ARHGAP20: variants seen among roughly 807,000 people sequenced by gnomAD.
ARHGAP20 encodes the protein Rho GTPase activating protein 20, also known as rho GTPase-activating protein 20.
A neutral mutation model predicts 73.7 loss-of-function variants in ARHGAP20; 34 were observed. The observed-to-expected ratio is 0.46, with a 90% CI of 0.35 to 0.61. The LOEUF (loss-of-function observed/expected upper bound fraction) is 0.61. Among genes scored for constraint, ARHGAP20 ranks in the 20% least tolerant of loss-of-function variants. The pLI is 0.00. For missense variants in ARHGAP20, 1,314 were observed against 1,420.9 expected (o/e 0.92, Z 1.21); for synonymous variants, 523 against 518.2 (o/e 1.01, Z -0.13).
intron 1 of ARHGAP20, chr11:110,711,777 G>C: frequency 7.4e-7 from 1 of 1,354,464 alleles, no homozygotes; most frequent in East Asian, 3.1e-5. Flanking sequence ...GGGGCACGGC[G>C]AGGGGTCGGG....
At chr11:110,627,198 C>T (rs889314241) in intron 3 of ARHGAP20, among the ~76,000 whole-genome samples, 3 of 152,236 alleles carry the variant, frequency 2.0e-5, no homozygotes, top group East Asian at 3.9e-4. Flanking sequence ...AAGTGATTCT[C>T]GTGCCTCAGC....
At chr11:110,607,018 G>A (rs1032837387) in intron 8 of ARHGAP20, among the ~76,000 whole-genome samples, 27 of 152,060 alleles carry the variant, frequency 1.8e-4, no homozygotes, top group Non-Finnish European at 3.1e-4. Flanking sequence ...ATCAGTTTGC[G>A]AGTTCCATAA....
chr11:110,689,264 CAT>C (rs1416755454), intron 2 of ARHGAP20, among the ~76,000 whole-genome samples: 1 of 151,774 alleles, frequency 6.6e-6, no homozygotes, highest in African/African-American at 2.4e-5. Flanking sequence ...GACTCCCAAT[CAT>C]ATAGATTTTA....
At position 110,579,070 on chromosome 11, in the gene ARHGAP20, G is replaced by T. The variant is rs530804309; in HGVS notation, c.*300C>A. ...AATCTCACAGACTGTTCCCATAAGT[G>T]CTTCCTCTGCAGAAGATGCTTTCTC... On this transcript the variant is annotated 3_prime_UTR_variant, in exon 15 of 15. Coordinates refer to ENST00000683387, the MANE Select transcript of ARHGAP20 (RefSeq NM_001384657.1). 492 of 1,030,382 alleles carry T rather than the reference G, an allele frequency of 4.8e-4. 1 individual carries two copies. Among genetic ancestry groups the T allele is most frequent in the Non-Finnish European group, 5.4e-4 (466 of 856,434 alleles). 63.8% of individuals were successfully genotyped at this position (1,030,382 alleles called of 1,614,324 possible). A position where few individuals can be genotyped will look rare whatever the true frequency, so the allele number is the denominator to read the frequency against.
chr11:110,638,560 G>A (rs2134977609), intron 2 of ARHGAP20, among the ~76,000 whole-genome samples: 1 of 151,806 alleles, frequency 6.6e-6, no homozygotes, highest in African/African-American at 2.4e-5. Flanking sequence ...AAAAGAGATT[G>A]TTAAAATTAA....
At chr11:110,586,463 C>T in intron 11 of ARHGAP20, 138 bp from the exon 12 acceptor site, 1 of 419,548 alleles carries the variant, frequency 2.4e-6, no homozygotes, top group Middle Eastern at 6.5e-4. Flanking sequence ...TGCGCCAACT[C>T]TCCATTGACT....
At chr11:110,618,001 A>C (rs932542200) in intron 4 of ARHGAP20, among the ~76,000 whole-genome samples, 2 of 152,172 alleles carry the variant, frequency 1.3e-5, no homozygotes, top group Non-Finnish European at 2.9e-5. Flanking sequence ...AAGGAAACAG[A>C]AAGAACCCAG....
chr11:110,682,687 C>T (rs1950059327), intron 2 of ARHGAP20, among the ~76,000 whole-genome samples: 1 of 151,878 alleles, frequency 6.6e-6, no homozygotes, highest in Admixed American at 6.6e-5. Flanking sequence ...AATAGATGAG[C>T]CAGAAGGCTT....
At chr11:110,705,502 A>T (rs1448618211) in intron 1 of ARHGAP20, among the ~76,000 whole-genome samples, 4 of 152,206 alleles carry the variant, frequency 2.6e-5, no homozygotes, top group Non-Finnish European at 5.9e-5. Flanking sequence ...AGGGGACTTA[A>T]TCTTCAAAAT....
At chr11:110,711,597 C>T in intron 1 of ARHGAP20, 1 of 1,483,996 alleles carries the variant, frequency 6.7e-7, no homozygotes, top group Non-Finnish European at 8.9e-7. Flanking sequence ...TATGGAGCAG[C>T]CGCGCCTCGG....
chr11:110,621,919 A>T (rs1001024496), intron 4 of ARHGAP20, among the ~76,000 whole-genome samples: 1 of 152,238 alleles, frequency 6.6e-6, no homozygotes, highest in African/African-American at 2.4e-5. Context: ...ATGAAGCTAC[A>T]AACTCTATTT....
At chr11:110,623,852 CTGT>C (rs150741915) in intron 4 of ARHGAP20, among the ~76,000 whole-genome samples, 9 of 152,062 alleles carry the variant, frequency 5.9e-5, no homozygotes, top group African/African-American at 1.7e-4. Context: ...CCTGTTGTTG[CTGT>C]TGTTGTTGTT....
Position 110,580,811 on chromosome 11 carries a change from T to A in ARHGAP20, c.2135A>T (p.Asp712Val). 1 of 1,614,130 alleles carries A rather than the reference T, an allele frequency of 6.2e-7. No individual in the cohort carries two copies. The highest frequency in any genetic ancestry group is 8.5e-7 in the Non-Finnish European group (1 of 1,180,000). The change falls in exon 15 of 15, where the codon GAT (aspartate) becomes GTT (valine). Residue 712 changes from aspartate (D) to valine (V), a missense_variant. Physicochemically the swap from Asp to Val is radical, Grantham distance 152. This residue lies in a region of ARHGAP20 where 641 missense variants were observed against 636.9 expected (regional missense o/e 1.01). Coordinates refer to ENST00000683387, the MANE Select transcript of ARHGAP20 (RefSeq NM_001384657.1). ...RCSEPSIDYL[D>V]SKLSYLREFY... The stretch of plus-strand genomic sequence containing the variant: ...CTCCCTGAGGTAGGAAAGCTTTGAA[T>A]CCAGATAGTCGATGCTGGGCTCTGA...
intron 2 of ARHGAP20, among the ~76,000 whole-genome samples, chr11:110,685,799 G>A (rs1950121741): frequency 6.6e-6 from 1 of 152,140 alleles, no homozygotes; most frequent in South Asian, 2.1e-4. Flanking sequence ...AAATATAGAT[G>A]TAATTCAAAA....
intron 1 of ARHGAP20, among the ~76,000 whole-genome samples, chr11:110,705,465 A>G (rs45580540): frequency 0.13 from 20,335 of 152,222 alleles, 1,628 homozygotes; most frequent in South Asian, 0.29. Context: ...CTTTCAGTCT[A>G]TGAATTCCAA....
At chr11:110,638,601 G>A (rs778925679) in intron 2 of ARHGAP20, among the ~76,000 whole-genome samples, 2 of 151,888 alleles carry the variant, frequency 1.3e-5, no homozygotes, top group Admixed American at 1.3e-4. Flanking sequence ...GGGGTGGGGT[G>A]AGCTGGAGAT....
rs1024734472 is a variant in ARHGAP20 at position 110,577,686 on chromosome 11, G to A, written c.*1684C>T. On this transcript the variant is annotated 3_prime_UTR_variant, in exon 15 of 15. Coordinates refer to ENST00000683387, the MANE Select transcript of ARHGAP20 (RefSeq NM_001384657.1). ...ATAAAGTGAAATCGACTTCACATCT[G>A]TGACTCAGATGGCCAGTGTCACGAA... is the stretch of plus-strand genomic sequence containing the variant. 1 of 985,876 alleles carries A rather than the reference G, an allele frequency of 1.0e-6. No homozygotes were observed. Among genetic ancestry groups the A allele is most frequent in the South Asian group, 4.7e-5 (1 of 21,288 alleles). The allele number at this position is 985,876 out of a possible 1,614,324, so 61.1% of individuals were successfully genotyped here. A position where few individuals can be genotyped will look rare whatever the true frequency, so the allele number is the denominator to read the frequency against.
At chr11:110,701,940 A>G (rs1484152132) in intron 1 of ARHGAP20, among the ~76,000 whole-genome samples, 2 of 152,086 alleles carry the variant, frequency 1.3e-5, no homozygotes, top group African/African-American at 4.8e-5. Context: ...CCATTGATCT[A>G]TATCTCTGTT....
chr11:110,711,556 G>A, intron 1 of ARHGAP20: 2 of 1,396,066 alleles, frequency 1.4e-6, no homozygotes, highest in South Asian at 3.0e-5. Flanking sequence ...GTGGGGGGCA[G>A]TACTCCCCAT....
Sources: gnomAD v4.1 joint callset for allele counts (sites outside exome capture counted in the v4.1 genomes callset) on GRCh38, gnomAD v4.1.1 for gene constraint, gnomAD v4.1.1 regional missense constraint, MANE v1.5 for transcripts, NCBI Gene and HGNC (gene_info 2026-07-23, HGNC 2026-07-21) for gene names.